PAWR: variants seen among roughly 807,000 people sequenced by gnomAD.
The protein encoded by PAWR is pro-apoptotic WT1 regulator, also known as PRKC apoptosis WT1 regulator protein.
Under a neutral mutation model 32.0 loss-of-function variants are expected in PAWR, and 23 were observed. The observed-to-expected ratio is 0.72, with a 90% CI of 0.52 to 1.02. The LOEUF is 1.02. PAWR is among the 50% of genes least tolerant of loss of function. The probability of loss-of-function intolerance (pLI) is 0.00; values close to 1 mark genes in which losing one functional copy is unlikely to be tolerated. For missense variants in PAWR, 457 were observed against 437.7 expected, an observed-to-expected ratio of 1.04 and a Z score of -0.39; for synonymous variants, 226 against 187.1, an observed-to-expected ratio of 1.21 and a Z score of -1.70.
intron 3 of PAWR, among the ~76,000 whole-genome samples, chr12:79,616,836 G>C (rs1178770268): frequency 6.6e-6 from 1 of 152,028 alleles, no homozygotes; most frequent in East Asian, 1.9e-4. Flanking sequence ...TACTACGTTG[G>C]TACGAAAAGT....
intron 4 of PAWR, among the ~76,000 whole-genome samples, chr12:79,608,015 C>T (rs1460594688): frequency 6.7e-6 from 1 of 150,154 alleles, no homozygotes; most frequent in Admixed American, 6.6e-5. Context: ...TGCCAATGCA[C>T]TCCAGCCTGG....
chr12:79,619,787 G>A (rs756481193), intron 3 of PAWR, among the ~76,000 whole-genome samples: 10 of 152,146 alleles, frequency 6.6e-5, no homozygotes, highest in Non-Finnish European at 1.5e-4. Flanking sequence ...CAATGGGATG[G>A]TTTCTATTAC....
rs1372261720 is a variant in PAWR at position 79,585,133 on chromosome 12, C to T, written c.*7474G>A. On this transcript the variant is annotated 3_prime_UTR_variant, in exon 7 of 7. Coordinates refer to ENST00000328827, the MANE Select transcript of PAWR (RefSeq NM_002583.4). ...CTGATACAATCTTTTGCAACATAAC[C>T]AACAAAGATCAGGAGCTTAAAACAA... is the stretch of plus-strand genomic sequence containing the variant. 1.5e-5 allele frequency: 7 copies of T among 451,982 alleles called. No individual in the cohort carries two copies. The highest frequency in any genetic ancestry group is 3.1e-5 in the Non-Finnish European group (7 of 225,452). 28.0% of individuals were successfully genotyped at this position (451,982 alleles called of 1,614,324 possible).
intron 4 of PAWR, among the ~76,000 whole-genome samples, chr12:79,600,309 T>C (rs1266452487): frequency 6.6e-6 from 1 of 152,178 alleles, no homozygotes; most frequent in East Asian, 1.9e-4. Flanking sequence ...TTATAAATAA[T>C]ACAAATTTTG....
At chr12:79,618,884 T>C (rs1874871048) in intron 3 of PAWR, among the ~76,000 whole-genome samples, 3 of 151,994 alleles carry the variant, frequency 2.0e-5, no homozygotes, top group Non-Finnish European at 4.4e-5. Flanking sequence ...ACTTTAATAA[T>C]TACTACTCCA....
intron 2 of PAWR, among the ~76,000 whole-genome samples, chr12:79,664,658 C>T (rs113597779): frequency 1.6e-5 from 2 of 128,238 alleles, no homozygotes; most frequent in African/African-American, 3.9e-5. Flanking sequence ...GACTCTTTGG[C>T]GGGGGGGGGA....
rs1466941722 is a variant in PAWR at position 79,690,385 on chromosome 12, G to T, written c.-141C>A. On this transcript the variant is annotated 5_prime_UTR_variant, in exon 2 of 7. Transcript: ENST00000328827. Reference sequence around the variant, plus strand: ...GACGGCCGCCGCTCCCACAGCAGCCGGCGGGGCTGAGGTGAAAGACAAAAG... The same window carrying T: ...GACGGCCGCCGCTCCCACAGCAGCCTGCGGGGCTGAGGTGAAAGACAAAAG... 1.5e-6 allele frequency: 2 copies of T among 1,349,958 alleles called. No homozygotes were observed. The highest frequency in any genetic ancestry group is 1.5e-5 in the African/African-American group (1 of 65,026). 83.6% of individuals were successfully genotyped at this position (1,349,958 alleles called of 1,614,324 possible).
intron 2 of PAWR, among the ~76,000 whole-genome samples, chr12:79,638,073 T>C (rs1876051869): frequency 6.6e-6 from 1 of 152,066 alleles, no homozygotes; most frequent in Admixed American, 6.6e-5. Context: ...AATTTTTGTG[T>C]GTATCTCTAA....
chr12:79,670,696 T>A (rs1877848218), intron 2 of PAWR, among the ~76,000 whole-genome samples: 1 of 152,076 alleles, frequency 6.6e-6, no homozygotes, highest in Non-Finnish European at 1.5e-5. Flanking sequence ...CAATAGATAC[T>A]CTCTAGTATC....
chr12:79,601,281 A>G (rs909045063), intron 4 of PAWR, among the ~76,000 whole-genome samples: 2 of 149,078 alleles, frequency 1.3e-5, no homozygotes, highest in African/African-American at 5.0e-5. Context: ...TGCAGTGGAC[A>G]ATCATAGCTC....
chr12:79,662,003 T>C (rs1177405672), intron 2 of PAWR, among the ~76,000 whole-genome samples: 4 of 152,126 alleles, frequency 2.6e-5, no homozygotes, highest in Non-Finnish European at 5.9e-5. Context: ...GATAGTATTT[T>C]CAAAAAGCTC....
chr12:79,624,018 G>T (rs756689191), intron 2 of PAWR, among the ~76,000 whole-genome samples: 64 of 152,076 alleles, frequency 4.2e-4, no homozygotes, highest in Admixed American at 1.2e-3. Context: ...ATCTGGAAAA[G>T]AATAAAGAAT....
intron 2 of PAWR, among the ~76,000 whole-genome samples, chr12:79,639,906 C>A (rs970039499): frequency 7.9e-6 from 1 of 127,102 alleles, no homozygotes; most frequent in Non-Finnish European, 1.5e-5. Flanking sequence ...CATTCCATTC[C>A]ATTCCATTCT....
intron 2 of PAWR, among the ~76,000 whole-genome samples, chr12:79,625,971 T>C (rs1875283809): frequency 6.6e-6 from 1 of 150,986 alleles, no homozygotes. Flanking sequence ...GAGACCATCC[T>C]GGCTAACACA....
At chr12:79,664,135 A>G (rs1276503280) in intron 2 of PAWR, among the ~76,000 whole-genome samples, 4 of 152,202 alleles carry the variant, frequency 2.6e-5, no homozygotes, top group African/African-American at 9.7e-5. Context: ...CACTATTCAT[A>G]AAGGATTATT....
chr12:79,604,506 A>G (rs961335199), intron 4 of PAWR: 3 of 1,150,294 alleles, frequency 2.6e-6, no homozygotes, highest in South Asian at 1.8e-5. Context: ...AAGCTTAGCA[A>G]TGAGAAGAAA....
chr12:79,585,035 AT>A lies in PAWR; in HGVS notation c.*7571del, dbSNP rs1441997056. On this transcript the variant is annotated 3_prime_UTR_variant, in exon 7 of 7. Coordinates refer to ENST00000328827, the MANE Select transcript of PAWR (RefSeq NM_002583.4). The stretch of plus-strand genomic sequence containing the variant: ...CATAGTCTCTTGGACTTGAGAATCC[AT>A]TTGAGTTTCAGAAAGAATACTAAAT... The A allele has an allele frequency of 4.0e-5, 14 of 346,384 alleles. No individual in the cohort carries two copies. The highest frequency in any genetic ancestry group is 6.1e-5 in the Non-Finnish European group (11 of 178,976). The allele number at this position is 346,384 out of a possible 1,614,324, so 21.5% of individuals were successfully genotyped here.
In PAWR at chr12:79,690,270, T is replaced by C; in HGVS notation, c.-26A>G. On this transcript the variant is annotated 5_prime_UTR_variant, in exon 2 of 7. Transcript: ENST00000328827. ...ATTCCCAAAGGGGCCGGTCGGGCTC[T>C]CACCTCAGGCCGCCCACCAGGGCTC... 6.1e-6 allele frequency: 9 copies of C among 1,475,268 alleles called. No homozygotes were observed. Among genetic ancestry groups the C allele is most frequent in the Non-Finnish European group, 8.1e-6 (9 of 1,117,336 alleles). 91.4% of individuals were successfully genotyped at this position (1,475,268 alleles called of 1,614,324 possible).
intron 2 of PAWR, among the ~76,000 whole-genome samples, chr12:79,689,085 G>T (rs1878831851): frequency 6.6e-6 from 1 of 152,136 alleles, no homozygotes; most frequent in Non-Finnish European, 1.5e-5. Context: ...TCGTCTTAGC[G>T]AACAGAATTG....
Sources: gnomAD v4.1 joint callset for allele counts (sites outside exome capture counted in the v4.1 genomes callset) on GRCh38, gnomAD v4.1.1 for gene constraint, MANE v1.5 for transcripts, NCBI Gene and HGNC (gene_info 2026-07-23, HGNC 2026-07-21) for gene names.